Variants in ARHGEF17 observed in about 807,000 individuals in gnomAD.
ARHGEF17 encodes Rho guanine nucleotide exchange factor 17, also known as 164 kDa Rho-specific guanine-nucleotide exchange factor.
A neutral mutation model predicts 174.0 loss-of-function variants in ARHGEF17; 80 were observed. The observed-to-expected ratio is 0.46, with a 90% confidence interval of 0.38 to 0.55. The LOEUF (loss-of-function observed/expected upper bound fraction) is 0.55. ARHGEF17 is among the 20% of genes least tolerant of loss of function. The pLI is 0.00. For synonymous variants in ARHGEF17, 1,311 were observed against 1,189.1 expected (o/e 1.10, Z -2.11); for missense variants, 2,886 against 2,839.7 (o/e 1.02, Z -0.37).
At chr11:73,338,771 G>A (rs929896219) in intron 1 of ARHGEF17, among the ~76,000 whole-genome samples, 5 of 151,902 alleles carry the variant, frequency 3.3e-5, no homozygotes, top group African/African-American at 1.2e-4. Flanking sequence ...TGGGGTTTAG[G>A]AGCCTGGGCC....
In ARHGEF17 at chr11:73,309,694, C is replaced by G. The variant is rs1235400332; in HGVS notation, c.1056C>G (p.Val352=). The stretch of plus-strand genomic sequence containing the variant: ...GGGGTAGTGGCTCTCCGCCCTGCGT[C>G]CCAGGTCCCCAGGAGGGACTTCGGC... ...REWGSGSPPC[V]PGPQEGLRPM... The change falls in exon 1 of 21, where the codon GTC becomes GTG. Residue 352 remains valine (V), a synonymous_variant. Transcript: ENST00000263674. 1.2e-6 allele frequency: 2 copies of G among 1,613,048 alleles called. No homozygotes were observed. The highest frequency in any genetic ancestry group is 1.1e-5 in the South Asian group (1 of 91,090).
chr11:73,334,887 C>T (rs1239825060), intron 1 of ARHGEF17, among the ~76,000 whole-genome samples: 4 of 152,216 alleles, frequency 2.6e-5, no homozygotes, highest in African/African-American at 9.7e-5. Context: ...GGGAAGGGAT[C>T]CCTGCTTTCC....
chr11:73,341,116 C>G (rs536240883), intron 1 of ARHGEF17, among the ~76,000 whole-genome samples: 1 of 152,132 alleles, frequency 6.6e-6, no homozygotes, highest in African/African-American at 2.4e-5. Flanking sequence ...AGCATATAGT[C>G]TCCTGGGAGG....
intron 11 of ARHGEF17, 116 bp from the exon 12 acceptor site, chr11:73,360,972 T>C: frequency 2.5e-6 from 2 of 795,856 alleles, no homozygotes; most frequent in Non-Finnish European, 4.1e-6. Flanking sequence ...GATCAGGCCT[T>C]CCCCTAAAGA....
rs747350488 is a variant in ARHGEF17, at chr11:73,308,733, A to G, written c.95A>G (p.Asp32Gly). ...WSGGPGLREE[D>G]TDTPGLRRRA... ...GGCGGCCCCGGGCTGAGGGAGGAGGACACGGACACCCCCGGCTTGAGGCGA... is the reference window on the plus strand; with the variant it reads ...GGCGGCCCCGGGCTGAGGGAGGAGGGCACGGACACCCCCGGCTTGAGGCGA... Residue 32 changes from aspartate to glycine, a missense_variant, in exon 1 of 21, where the codon GAC (aspartate) becomes GGC (glycine). Asp to Gly is a moderately conservative substitution (Grantham distance 94). Transcript: ENST00000263674. 1.2e-4 allele frequency: 177 copies of G among 1,507,988 alleles called. No individual in the cohort carries two copies. Among genetic ancestry groups the G allele is most frequent in the Non-Finnish European group, 1.5e-4 (172 of 1,133,736 alleles). The allele number at this position is 1,507,988 out of a possible 1,614,324, so 93.4% of individuals were successfully genotyped here.
chr11:73,360,595 T>C, intron 11 of ARHGEF17, 62 bp downstream of exon 11: 1 of 1,575,254 alleles, frequency 6.3e-7, no homozygotes, highest in Non-Finnish European at 8.7e-7. Flanking sequence ...GCCAGAGGCA[T>C]CTCACAGCTG....
Position 73,362,535 on chromosome 11 carries a change from C to G in ARHGEF17, c.4797C>G (p.Leu1599=), listed in dbSNP as rs76764824. 2.5e-6 allele frequency: 4 copies of G among 1,606,598 alleles called. No homozygotes were observed. Among genetic ancestry groups the G allele is most frequent in the African/African-American group, 1.3e-5 (1 of 75,018 alleles). ...EAAADEEAAT[L]AEPGPQPCLH... ...CTGCAGACGAGGAAGCCGCGACGCTCGCGGAGCCGGGGCCGCAGCCCTGCC... is the reference window on the plus strand; with the variant it reads ...CTGCAGACGAGGAAGCCGCGACGCTGGCGGAGCCGGGGCCGCAGCCCTGCC... Residue 1599 remains leucine (L), a synonymous_variant, in exon 14 of 21, where the codon CTC becomes CTG. Coordinates refer to ENST00000263674, the MANE Select transcript of ARHGEF17 (RefSeq NM_014786.4).
At position 73,355,669 on chromosome 11, in the gene ARHGEF17, G is replaced by A. The variant is rs1239195607; in HGVS notation, c.3570+20G>A. The stretch of plus-strand genomic sequence containing the variant: ...CTAGAGGTACTGTGGGCTAGGGCAG[G>A]GGGATGGAGGTGACCCTCACCTTGG... On this transcript the variant is annotated intron_variant, in intron 4 of 20. Coordinates refer to ENST00000263674, the MANE Select transcript of ARHGEF17 (RefSeq NM_014786.4). 6.2e-7 allele frequency: 1 copy of A among 1,607,234 alleles called. No individual in the cohort carries two copies. Among genetic ancestry groups the A allele is most frequent in the South Asian group, 1.1e-5 (1 of 90,926 alleles).
At chr11:73,341,645 C>CT (rs1865371279) in intron 1 of ARHGEF17, among the ~76,000 whole-genome samples, 1 of 152,208 alleles carries the variant, frequency 6.6e-6, no homozygotes. Flanking sequence ...AAAAGCATTA[C>CT]TAGGAGAGGG....
chr11:73,336,252 A>C (rs896550117), intron 1 of ARHGEF17, among the ~76,000 whole-genome samples: 1 of 152,116 alleles, frequency 6.6e-6, no homozygotes, highest in African/African-American at 2.4e-5. Context: ...TCATCTGTAA[A>C]ATGGCCATAA....
Position 73,309,107 on chromosome 11 carries a change from G to T in ARHGEF17, c.469G>T (p.Ala157Ser). The change falls in exon 1 of 21, where the codon GCG becomes TCG. Residue 157 changes from alanine to serine, a missense_variant. This residue lies in a region of ARHGEF17 where 1,728 missense variants were observed against 1,461.2 expected (regional missense o/e 1.18). Transcript: ENST00000263674. ...SPGTPSPDGA[A>S]WEPPARESRQ... ...AGGAACGCCCAGCCCCGACGGTGCC[G>T]CGTGGGAGCCTCCGGCTCGGGAGTC... 1 of 1,560,256 alleles carries T rather than the reference G, an allele frequency of 6.4e-7. No homozygotes were observed. Among genetic ancestry groups the T allele is most frequent in the Non-Finnish European group, 8.6e-7 (1 of 1,156,080 alleles).
At chr11:73,318,900 T>G (rs1864970609) in intron 1 of ARHGEF17, among the ~76,000 whole-genome samples, 1 of 152,150 alleles carries the variant, frequency 6.6e-6, no homozygotes, top group South Asian at 2.1e-4. Flanking sequence ...TGGGCTAAGA[T>G]CCAGGTGCTG....
intron 1 of ARHGEF17, among the ~76,000 whole-genome samples, chr11:73,318,539 A>C (rs1269091434): frequency 6.6e-6 from 1 of 152,216 alleles, no homozygotes; most frequent in African/African-American, 2.4e-5. Flanking sequence ...CTGAGGTGGG[A>C]GGATGGCTTG....
At chr11:73,345,679 A>G (rs1776995249) in intron 1 of ARHGEF17, among the ~76,000 whole-genome samples, 1 of 152,244 alleles carries the variant, frequency 6.6e-6, no homozygotes, top group African/African-American at 2.4e-5. Flanking sequence ...TGGCATTGCC[A>G]TCTGCACAGC....
intron 20 of ARHGEF17, among the ~76,000 whole-genome samples, chr11:73,366,395 A>C (rs1286776957): frequency 2.0e-5 from 3 of 152,206 alleles, no homozygotes; most frequent in Non-Finnish European, 2.9e-5. Context: ...AACAACATAG[A>C]ATGGCACTAG....
At position 73,309,210 on chromosome 11, in the gene ARHGEF17, C is replaced by G; in HGVS notation, c.572C>G (p.Pro191Arg). 6.3e-7 allele frequency: 1 copy of G among 1,597,280 alleles called. No individual in the cohort carries two copies. The highest frequency in any genetic ancestry group is 2.3e-5 in the East Asian group (1 of 43,760). The change falls in exon 1 of 21, where the codon CCG becomes CGG. Residue 191 changes from proline to arginine, a missense_variant. Around this residue, in one of 4 missense-constraint regions of ARHGEF17, gnomAD observed 1,728 missense variants for 1,461.2 expected, o/e 1.18. Transcript: ENST00000263674. ...CGTTCGGCGCGGCCCCTGACCGGGCCGGAGACCGAAGGGAGGCTGCGCCGG... is the reference window on the plus strand; with the variant it reads ...CGTTCGGCGCGGCCCCTGACCGGGCGGGAGACCGAAGGGAGGCTGCGCCGG... Reference protein sequence around the residue: ...GLRSARPLTGPETEGRLRRPQ... With the variant: ...GLRSARPLTGRETEGRLRRPQ...
chr11:73,339,326 C>T (rs971921195), intron 1 of ARHGEF17, among the ~76,000 whole-genome samples: 1 of 152,218 alleles, frequency 6.6e-6, no homozygotes, highest in African/African-American at 2.4e-5. Flanking sequence ...ATTGATTACT[C>T]ATGCATTAAA....
intron 1 of ARHGEF17, among the ~76,000 whole-genome samples, chr11:73,330,488 G>GT (rs1264042238): frequency 6.6e-6 from 1 of 152,094 alleles, no homozygotes; most frequent in Non-Finnish European, 1.5e-5. Flanking sequence ...TTTCTGGATG[G>GT]TTGGTTTTAA....
chr11:73,349,873 G>T (rs1449343031), intron 2 of ARHGEF17, among the ~76,000 whole-genome samples: 1 of 152,184 alleles, frequency 6.6e-6, no homozygotes, highest in African/African-American at 2.4e-5. Context: ...GACCGTCCCT[G>T]GAGGCAGCCC....
Sources: gnomAD v4.1 joint callset for allele counts (sites outside exome capture counted in the v4.1 genomes callset) on GRCh38, gnomAD v4.1.1 for gene constraint, gnomAD v4.1.1 regional missense constraint, MANE v1.5 for transcripts, NCBI Gene and HGNC (gene_info 2026-07-23, HGNC 2026-07-21) for gene names.